The following CDH4 variants were observed in gnomAD, a reference collection of about 807,000 sequenced individuals.
CDH4 encodes cadherin 4, also known as cadherin-4.
CDH4 carries 33 observed loss-of-function variants against 86.0 expected under a neutral mutation model. That is an observed-to-expected ratio of 0.38 (90% CI 0.29 to 0.51). The LOEUF is 0.51. Ranked by LOEUF, CDH4 falls within the 20% of genes least tolerant of loss-of-function variation. The pLI is 0.86. For synonymous variants in CDH4, 555 were observed against 549.4 expected (o/e 1.01, Z -0.14); for missense variants, 1,114 against 1,307.4 (o/e 0.85, Z 2.28).
At chr20:61,584,175 T>A (rs542029056) in intron 2 of CDH4, among the ~76,000 whole-genome samples, 1 of 152,248 alleles carries the variant, frequency 6.6e-6, no homozygotes, top group South Asian at 2.1e-4. Context: ...TATATGTGCG[T>A]CAGTAGAGAG....
Position 61,934,000 on chromosome 20 carries a change from A to AG in CDH4, c.2380-50dup, listed in dbSNP as rs533506051. On this transcript the variant is annotated intron_variant, in intron 14 of 15. Coordinates refer to ENST00000614565, the MANE Select transcript of CDH4 (RefSeq NM_001794.5). ...GTGACAGAAAAGGATGCAGGGTGGA[A>AG]GGGGGGCTGGCGGATTCTTCTGATG... The AG allele has an allele frequency of 2.5e-4, 396 of 1,590,822 alleles. 4 individuals carry two copies. In the Admixed American group the frequency reaches 6.2e-3, roughly 25 times the overall value.
At chr20:61,383,280 TG>T (rs2084918248) in intron 2 of CDH4, among the ~76,000 whole-genome samples, 1 of 106,794 alleles carries the variant, frequency 9.4e-6, no homozygotes, top group Non-Finnish European at 1.8e-5. Context: ...TATGAATATA[TG>T]ATATATATGA....
intron 2 of CDH4, among the ~76,000 whole-genome samples, chr20:61,704,866 G>A (rs1600893785): frequency 2.0e-5 from 3 of 152,248 alleles, no homozygotes; most frequent in East Asian, 3.9e-4. Flanking sequence ...CTACAGGAAT[G>A]TCTCCAGATA....
chr20:61,543,449 T>A (rs1170892920), intron 2 of CDH4, among the ~76,000 whole-genome samples: 1 of 152,248 alleles, frequency 6.6e-6, no homozygotes, highest in Non-Finnish European at 1.5e-5. Flanking sequence ...TTGGCAGTAC[T>A]TGGTTGAGTG....
intron 2 of CDH4, among the ~76,000 whole-genome samples, chr20:61,624,189 G>A (rs532863828): frequency 1.3e-5 from 2 of 152,278 alleles, no homozygotes; most frequent in Admixed American, 6.5e-5. Flanking sequence ...CAAAGCCGTC[G>A]TGCTAGGCCA....
chr20:61,437,571 C>T (rs1435098071), intron 2 of CDH4: 1 of 152,214 alleles, frequency 6.6e-6, no homozygotes, highest in Admixed American at 6.5e-5. Context: ...CACACACCGC[C>T]CTCTCAGGGA....
intron 5 of CDH4, among the ~76,000 whole-genome samples, chr20:61,851,891 G>A (rs1982742172): frequency 6.6e-6 from 1 of 152,214 alleles, no homozygotes. Context: ...CAGCCACACT[G>A]CCTTCAGTGC....
At chr20:61,351,079 C>T (rs755821801) in intron 2 of CDH4, among the ~76,000 whole-genome samples, 1 of 152,132 alleles carries the variant, frequency 6.6e-6, no homozygotes, top group South Asian at 2.1e-4. Flanking sequence ...CGCCCTCCCT[C>T]CATCCCCGGG....
Position 61,841,825 on chromosome 20 carries a change from C to T in CDH4, c.577-2843C>T, listed in dbSNP as rs528856648. Among the ~76,000 whole-genome samples, 3 of 152,316 alleles carry T rather than the reference C, an allele frequency of 2.0e-5. No individual in the cohort carries two copies. The East Asian group carries it at 5.8e-4, about 30-fold the overall frequency. On this transcript the variant is annotated intron_variant, in intron 4 of 15. Coordinates refer to ENST00000614565, the MANE Select transcript of CDH4 (RefSeq NM_001794.5). ...CCTCTCCTGGCGATGTCTCCTAGCA[C>T]GTGAGCAGCCCCCTATTGGCACTGA... is the stretch of plus-strand genomic sequence containing the variant.
intron 2 of CDH4, among the ~76,000 whole-genome samples, chr20:61,539,320 A>G (rs1431056904): frequency 1.3e-5 from 2 of 152,020 alleles, no homozygotes; most frequent in East Asian, 3.9e-4. Flanking sequence ...ACCAAGCACC[A>G]CTCCTTGGGG....
intron 2 of CDH4, among the ~76,000 whole-genome samples, chr20:61,643,239 A>C (rs2087029741): frequency 6.6e-6 from 1 of 152,110 alleles, no homozygotes; most frequent in African/African-American, 2.4e-5. Context: ...TGGCTTTTAT[A>C]ACAGGCCCAC....
At chr20:61,662,276 C>T (rs2087266258) in intron 2 of CDH4, among the ~76,000 whole-genome samples, 1 of 152,226 alleles carries the variant, frequency 6.6e-6, no homozygotes, top group African/African-American at 2.4e-5. Context: ...GTGGGAATGG[C>T]CGTGGCAGAG....
chr20:61,910,632 C>G, intron 9 of CDH4, 25 bp downstream of exon 9: 1 of 1,602,614 alleles, frequency 6.2e-7, no homozygotes. Context: ...CACACCCTGC[C>G]AGGCACCCCA....
chr20:61,758,140 G>T (rs2088587922), intron 3 of CDH4, among the ~76,000 whole-genome samples: 1 of 152,208 alleles, frequency 6.6e-6, no homozygotes. Flanking sequence ...CAGGTGAGGG[G>T]TACCAAGCCC....
Position 61,360,915 on chromosome 20 carries a change from C to T in CDH4, c.169+105978C>T, listed in dbSNP as rs1420553696. ...GACGGACTGGTTATTCCCATTTCCA[C>T]GGAGAGGCAAACAAAAGGAACAGCA... On this transcript the variant is annotated intron_variant, in intron 2 of 15. Transcript: ENST00000614565. 5.3e-4 allele frequency among the ~76,000 whole-genome samples: 80 copies of T among 152,076 alleles called. 1 individual carries two copies. The highest frequency in any genetic ancestry group is 1.0e-4 in the Non-Finnish European group (7 of 68,020).
At chr20:61,390,362 C>T (rs1344252979) in intron 2 of CDH4, among the ~76,000 whole-genome samples, 1 of 127,638 alleles carries the variant, frequency 7.8e-6, no homozygotes. Context: ...CGATTGGGTT[C>T]GTACAGTCAT....
intron 2 of CDH4, among the ~76,000 whole-genome samples, chr20:61,275,364 GA>G (rs1248024528): frequency 3.4e-4 from 28 of 82,144 alleles, no homozygotes; most frequent in East Asian, 4.4e-4. Context: ...GGAGTACCGT[GA>G]AGCAGTTTGG....
intron 2 of CDH4, among the ~76,000 whole-genome samples, chr20:61,638,690 T>C (rs957591776): frequency 1.3e-5 from 2 of 152,190 alleles, no homozygotes; most frequent in Admixed American, 1.3e-4. Flanking sequence ...CTGCCCACAT[T>C]GTGAGTTAAA....
intron 2 of CDH4, among the ~76,000 whole-genome samples, chr20:61,688,794 A>G (rs557526353): frequency 6.6e-5 from 10 of 152,246 alleles, no homozygotes; most frequent in Non-Finnish European, 1.0e-4. Flanking sequence ...GTTTTTTCTG[A>G]TAACACAAGT....
Sources: allele counts gnomAD v4.1 joint callset (sites outside exome capture counted in the v4.1 genomes callset), GRCh38; gene constraint gnomAD v4.1.1; transcripts MANE v1.5; gene names NCBI Gene and HGNC (gene_info 2026-07-23, HGNC 2026-07-21).